Variants in ZBTB46 observed in about 807,000 individuals in gnomAD.
ZBTB46 encodes the protein zinc finger and BTB domain containing 46.
Under a neutral mutation model 44.1 loss-of-function variants are expected in ZBTB46, and 8 were observed. That is an observed-to-expected ratio of 0.18 (90% CI 0.11 to 0.33). The LOEUF (loss-of-function observed/expected upper bound fraction) is 0.33, where lower values mean the gene tolerates loss of function less well. Ranked by LOEUF, ZBTB46 falls within the 10% of genes least tolerant of loss-of-function variation. ZBTB46 has a pLI of 1.00. For missense variants in ZBTB46, 651 were observed against 847.7 expected (o/e 0.77, Z 2.88); for synonymous variants, 409 against 382.3 (o/e 1.07, Z -0.81).
chr20:63,808,819 CA>C (rs1037984883), intron 1 of ZBTB46, among the ~76,000 whole-genome samples: 6 of 149,884 alleles, frequency 4.0e-5, no homozygotes, highest in Admixed American at 6.6e-5. Flanking sequence ...CTAAAAAATA[CA>C]AAAAAAAATT....
intron 2 of ZBTB46, among the ~76,000 whole-genome samples, chr20:63,789,487 G>A (rs1348517938): frequency 6.6e-6 from 1 of 152,214 alleles, no homozygotes; most frequent in Non-Finnish European, 1.5e-5. Flanking sequence ...CCTCACCAGG[G>A]CTGAGGGGTC....
intron 1 of ZBTB46, among the ~76,000 whole-genome samples, chr20:63,806,605 G>A (rs2146006965): frequency 6.6e-6 from 1 of 152,096 alleles, no homozygotes; most frequent in East Asian, 1.9e-4. Context: ...CAAGGAATAT[G>A]ATGGAATCTT....
chr20:63,808,191 C>G (rs953255482), intron 1 of ZBTB46: 5 of 152,594 alleles, frequency 3.3e-5, no homozygotes, highest in African/African-American at 9.6e-5. Flanking sequence ...ATTTCACCAC[C>G]GGCCGCCTTC....
chr20:63,746,988 G>A lies in ZBTB46; in HGVS notation c.1712C>T (p.Ser571Leu), dbSNP rs143711926. 89 of 1,606,564 alleles carry A rather than the reference G, an allele frequency of 5.5e-5. No homozygotes were observed. The highest frequency in any genetic ancestry group is 7.1e-5 in the Non-Finnish European group (84 of 1,179,116). ...LLADDKDEEDSPRPRSPPGGP... is the reference protein window; with the variant it reads ...LLADDKDEEDLPRPRSPPGGP... ...TCCTGGGGGGCTGCGCGGCCGCGGC[G>A]AGTCTTCCTCATCCTTGTCGTCCGC... Residue 571 changes from serine (S) to leucine (L), a missense_variant, in exon 5 of 5, where the codon TCG (serine) becomes TTG (leucine). Transcript: ENST00000245663.
chr20:63,806,909 A>T (rs1273444878), intron 1 of ZBTB46, among the ~76,000 whole-genome samples: 1 of 151,652 alleles, frequency 6.6e-6, no homozygotes, highest in African/African-American at 2.4e-5. Flanking sequence ...CAGCCTCCTG[A>T]GTAGCTGGGA....
chr20:63,811,428 G>A (rs1344620296), intron 1 of ZBTB46, among the ~76,000 whole-genome samples: 10 of 152,236 alleles, frequency 6.6e-5, no homozygotes. Flanking sequence ...CTGACTTCCA[G>A]GAGCAGAAGT....
intron 1 of ZBTB46, among the ~76,000 whole-genome samples, chr20:63,816,778 C>A (rs568205572): frequency 1.3e-5 from 2 of 152,248 alleles, no homozygotes; most frequent in African/African-American, 4.8e-5. Context: ...AGGGCGGGCC[C>A]TCACCCAATA....
intron 1 of ZBTB46, among the ~76,000 whole-genome samples, chr20:63,808,423 C>T (rs2092696211): frequency 6.6e-6 from 1 of 152,246 alleles, no homozygotes; most frequent in African/African-American, 2.4e-5. Context: ...GGGGCCAGGG[C>T]GGAGGTCACG....
chr20:63,786,484 GTTTT>G (rs1036157025), intron 2 of ZBTB46, among the ~76,000 whole-genome samples: 36 of 152,162 alleles, frequency 2.4e-4, no homozygotes, highest in African/African-American at 6.7e-4. Flanking sequence ...ACCAACTGCT[GTTTT>G]TTGTTTGTTT....
chr20:63,807,776 G>A (rs2092690629), intron 1 of ZBTB46, among the ~76,000 whole-genome samples: 1 of 152,272 alleles, frequency 6.6e-6, no homozygotes, highest in Non-Finnish European at 1.5e-5. Context: ...TCTGTGTGAG[G>A]CAGCGGGTCT....
intron 1 of ZBTB46, among the ~76,000 whole-genome samples, chr20:63,806,991 CCAG>C (rs1309117211): frequency 2.0e-5 from 3 of 152,050 alleles, no homozygotes; most frequent in African/African-American, 4.8e-5. Flanking sequence ...ACCGTGTTAG[CCAG>C]GATAGTCGCG....
intron 1 of ZBTB46, among the ~76,000 whole-genome samples, chr20:63,808,850 G>A (rs2092699316): frequency 6.6e-6 from 1 of 151,590 alleles, no homozygotes; most frequent in Admixed American, 6.6e-5. Context: ...TGGTGGGGGC[G>A]CCTGCAGTCC....
chr20:63,803,568 C>A lies in ZBTB46; in HGVS notation c.-33-12778G>T. On this transcript the variant is annotated intron_variant, in intron 1 of 4. Transcript: ENST00000245663. The surrounding 1 kb of genome is among the most constrained non-coding windows in gnomAD (Gnocchi z 4.0). ...CTGCCGGCCCCGGGCTGCCCAGGCC[C>A]CGGGCTGCCCAGGTCTCTGTCGGAG... 4.1e-6 allele frequency: 4 copies of A among 971,110 alleles called. No homozygotes were observed. The highest frequency in any genetic ancestry group is 4.9e-6 in the Non-Finnish European group (4 of 822,052). 60.2% of individuals were successfully genotyped at this position (971,110 alleles called of 1,614,324 possible).
upstream of ZBTB46, among the ~76,000 whole-genome samples, chr20:63,833,448 A>G (rs1338354808): frequency 1.3e-5 from 2 of 152,134 alleles, no homozygotes; most frequent in African/African-American, 2.4e-5. Context: ...AAAATTAGCC[A>G]GGCGTGGTGG....
chr20:63,790,808 A>G lies in ZBTB46; in HGVS notation c.-33-18T>C, dbSNP rs766889431. The G allele has an allele frequency of 1.3e-6, 2 of 1,517,356 alleles. No individual in the cohort carries two copies. Among genetic ancestry groups the G allele is most frequent in the East Asian group, 2.4e-5 (1 of 42,118 alleles). The allele number at this position is 1,517,356 out of a possible 1,614,324, so 94.0% of individuals were successfully genotyped here. On this transcript the variant is annotated intron_variant, in intron 1 of 4. Transcript: ENST00000245663. ...TACAGACTCTGTGGAGGTAAGAACA[A>G]GAGTTACCCAAGCTCAGCACAGACA...
chr20:63,764,687 C>G (rs1368530447), intron 3 of ZBTB46, among the ~76,000 whole-genome samples: 1 of 151,632 alleles, frequency 6.6e-6, no homozygotes, highest in Non-Finnish European at 1.5e-5. Flanking sequence ...ACCGCATCCT[C>G]CACCTCCCAG....
rs116249454 is a variant in ZBTB46 at position 63,798,883 on chromosome 20, T to C, written c.-33-8093A>G. On this transcript the variant is annotated intron_variant, in intron 1 of 4. Transcript: ENST00000245663. ...AATGTAATTAACAGATAAATCACCA[T>C]TTTAAAGTGGAAGCAAGATACCCTT... 2.8e-3 allele frequency among the ~76,000 whole-genome samples: 428 copies of C among 150,920 alleles called. 6 individuals carry two copies. Among genetic ancestry groups the C allele is most frequent in the African/African-American group, 9.9e-3 (408 of 41,120 alleles).
intron 1 of ZBTB46, among the ~76,000 whole-genome samples, chr20:63,798,202 G>A (rs2092617591): frequency 6.6e-6 from 1 of 152,110 alleles, no homozygotes; most frequent in Non-Finnish European, 1.5e-5. Context: ...TCCAGTTTCA[G>A]CTTTCTCCAT....
chr20:63,767,223 C>G lies in ZBTB46; in HGVS notation c.1222+8455G>C, dbSNP rs946255676. 1.3e-5 allele frequency among the ~76,000 whole-genome samples: 2 copies of G among 152,124 alleles called. No homozygotes were observed. The highest frequency in any genetic ancestry group is 4.8e-5 in the African/African-American group (2 of 41,434). On this transcript the variant is annotated intron_variant, in intron 3 of 4. Coordinates refer to ENST00000245663, the MANE Select transcript of ZBTB46 (RefSeq NM_001369741.1). This position sits in a 1 kb window ranked among gnomAD's most constrained non-coding sequence, Gnocchi z 5.0. ...CGATCTCCCTAGAAAGTTGCTGGGT[C>G]GGAGCCACGTGGCTCCACTTCCCAC... is the stretch of plus-strand genomic sequence containing the variant.
Sources: gnomAD v4.1 joint callset for allele counts (sites outside exome capture counted in the v4.1 genomes callset) on GRCh38, gnomAD v4.1.1 for gene constraint, Gnocchi (gnomAD v3.1) non-coding constraint, MANE v1.5 for transcripts, NCBI Gene and HGNC (gene_info 2026-07-23, HGNC 2026-07-21) for gene names.